MACF1: variants seen among roughly 807,000 people sequenced by gnomAD.
MACF1 encodes microtubule actin crosslinking factor 1, also known as microtubule-actin cross-linking factor 1.
A neutral mutation model predicts 854.8 loss-of-function variants in MACF1; 193 were observed. The ratio of observed to expected loss-of-function variants is 0.23; its 90% CI spans 0.20 to 0.25. The LOEUF (loss-of-function observed/expected upper bound fraction) is 0.25. Ranked by LOEUF, MACF1 falls within the 10% of genes least tolerant of loss-of-function variation. The pLI, the probability that MACF1 is intolerant of heterozygous loss-of-function variation, is 1.00. For synonymous variants in MACF1, 3,185 were observed against 3,226.7 expected, an observed-to-expected ratio of 0.99 and a Z score of 0.44; for missense variants, 7,722 against 8,929.1, an observed-to-expected ratio of 0.86 and a Z score of 5.45.
At position 39,422,570 on chromosome 1, in the gene MACF1, C is replaced by T. The variant is rs543140315; in HGVS notation, c.15978+35C>T. 2.2e-5 allele frequency: 35 copies of T among 1,579,646 alleles called. 1 individual carries two copies. The South Asian group carries it at 3.2e-4, about 15-fold the overall frequency. ...AATGGGGTAGCAAGTGTACTGGAAA[C>T]GGAAGGCATAGAAAAGAGACATCTG... On this transcript the variant is annotated intron_variant, in intron 59 of 100. Transcript: ENST00000564288.
At chr1:39,227,624 A>G (rs1644731173) in intron 1 of MACF1, among the ~76,000 whole-genome samples, 1 of 152,186 alleles carries the variant, frequency 6.6e-6, no homozygotes, top group Admixed American at 6.5e-5. Context: ...TCATTCTCCA[A>G]TTTAAAATCT....
intron 2 of MACF1, among the ~76,000 whole-genome samples, chr1:39,114,697 C>T (rs553999520): frequency 6.6e-6 from 1 of 152,246 alleles, no homozygotes; most frequent in South Asian, 2.1e-4. Context: ...AGATATTGTC[C>T]TTGTCTCTCT....
chr1:39,450,927 C>A, intron 84 of MACF1, 125 bp from the exon 85 acceptor site: 1 of 1,120,510 alleles, frequency 8.9e-7, no homozygotes, highest in Non-Finnish European at 1.3e-6. Flanking sequence ...GTATTTCTAA[C>A]TGTTCTAACA....
chr1:39,268,717 G>C (rs766515873), intron 6 of MACF1: 1 of 1,285,082 alleles, frequency 7.8e-7, no homozygotes, highest in South Asian at 1.2e-5. Context: ...TCACTGGGCT[G>C]TTTTAAGGAG....
chr1:39,156,516 G>T (rs904140090), intron 2 of MACF1, among the ~76,000 whole-genome samples: 2 of 152,150 alleles, frequency 1.3e-5, no homozygotes, highest in African/African-American at 4.8e-5. Flanking sequence ...CTACTTGGGG[G>T]GCTGAGGTGG....
chr1:39,273,669 G>T (rs1264370980), intron 6 of MACF1, among the ~76,000 whole-genome samples: 1 of 151,616 alleles, frequency 6.6e-6, no homozygotes, highest in Non-Finnish European at 1.5e-5. Context: ...CCCTACCTCA[G>T]CTCACTGAAC....
At chr1:39,414,676 A>C (rs1643219560) in intron 58 of MACF1, 2 of 790,266 alleles carry the variant, frequency 2.5e-6, no homozygotes, top group Non-Finnish European at 3.9e-6. Flanking sequence ...TTATAATTTC[A>C]TGCTTCGTTT....
intron 4 of MACF1, among the ~76,000 whole-genome samples, chr1:39,253,919 T>C (rs945547199): frequency 2.0e-5 from 3 of 152,250 alleles, no homozygotes; most frequent in Admixed American, 2.0e-4. Flanking sequence ...TTCTCTACGA[T>C]AGCATTTAAC....
chr1:39,150,647 C>T (rs1020096320), intron 2 of MACF1, among the ~76,000 whole-genome samples: 1 of 152,178 alleles, frequency 6.6e-6, no homozygotes, highest in African/African-American at 2.4e-5. Context: ...TTCCAACCCT[C>T]TCTGCTACAC....
At position 39,379,167 on chromosome 1, in the gene MACF1, C is replaced by T. The variant is rs184674236; in HGVS notation, c.13277-36C>T. The T allele has an allele frequency of 8.5e-6, 13 of 1,533,552 alleles. No individual in the cohort carries two copies. In the African/African-American group the frequency reaches 1.5e-4, roughly 18 times the overall value. The allele number at this position is 1,533,552 out of a possible 1,614,324, so 95.0% of individuals were successfully genotyped here. A position where few individuals can be genotyped will look rare whatever the true frequency, so the allele number is the denominator to read the frequency against. On this transcript the variant is annotated intron_variant, in intron 53 of 100. Transcript: ENST00000564288. The stretch of plus-strand genomic sequence containing the variant: ...GGAGTCAAGGAGCATACTCGAAGAG[C>T]TGTCTCCAATCTGATTTCTGTTTCT...
chr1:39,198,170 C>G (rs569148724), intron 2 of MACF1, among the ~76,000 whole-genome samples: 29 of 152,270 alleles, frequency 1.9e-4, no homozygotes, highest in African/African-American at 7.0e-4. Context: ...TGCATTCCAG[C>G]TTGGACTACA....
At chr1:39,207,538 C>T (rs1644465556) in intron 1 of MACF1, among the ~76,000 whole-genome samples, 1 of 151,948 alleles carries the variant, frequency 6.6e-6, no homozygotes. Flanking sequence ...CCTCGGCCTC[C>T]CAAAGTGCTG....
At chr1:39,458,905 T>G (rs1644495418) in intron 90 of MACF1, 181 bp from the exon 91 acceptor site, 1 of 601,002 alleles carries the variant, frequency 1.7e-6, no homozygotes, top group African/African-American at 1.9e-5. Context: ...AAGTATGTGC[T>G]GGGAGGATCA....
At chr1:39,169,604 CAA>C (rs61000226) in intron 2 of MACF1, among the ~76,000 whole-genome samples, 73 of 93,498 alleles carry the variant, frequency 7.8e-4, no homozygotes, top group South Asian at 1.4e-3. Flanking sequence ...GACCCTGTCT[CAA>C]AAAAAAAAAA....
chr1:39,335,765 TG>T lies in MACF1; in HGVS notation c.9178del (p.Ala3060LeufsTer2). ...AAGGAATTTCTGTAAAACATTTAGA[TG>T]CTTTAACACTCTTCAGCTCTAAACA... ...PQGISVKHLD[A>X]LTLFSSKQAN... On this transcript the variant is annotated frameshift_variant, in exon 37 of 101. Coordinates refer to ENST00000564288, the MANE Select transcript of MACF1 (RefSeq NM_001394062.1). LOFTEE classifies it high-confidence loss of function. The T allele has an allele frequency of 6.2e-7, 1 of 1,614,130 alleles. No individual in the cohort carries two copies. Among genetic ancestry groups the T allele is most frequent in the East Asian group, 2.2e-5 (1 of 44,888 alleles).
intron 58 of MACF1, chr1:39,412,374 T>C: frequency 6.2e-7 from 1 of 1,614,024 alleles, no homozygotes; most frequent in East Asian, 2.2e-5. Flanking sequence ...CAATGGGAAA[T>C]GTGGTCACTT....
chr1:39,139,729 C>A (rs1643295218), intron 2 of MACF1, among the ~76,000 whole-genome samples: 1 of 152,130 alleles, frequency 6.6e-6, no homozygotes, highest in South Asian at 2.1e-4. Flanking sequence ...CAAGTTATAT[C>A]ATCTTTCTGA....
chr1:39,100,353 AGG>A (rs1642038534), intron 2 of MACF1, among the ~76,000 whole-genome samples: 2 of 152,186 alleles, frequency 1.3e-5, no homozygotes, highest in African/African-American at 4.8e-5. Flanking sequence ...TTATAGGGAA[AGG>A]AGGTACACAC....
At chr1:39,171,592 C>G (rs1643950038) in intron 2 of MACF1, among the ~76,000 whole-genome samples, 1 of 152,128 alleles carries the variant, frequency 6.6e-6, no homozygotes, top group African/African-American at 2.4e-5. Context: ...TTCCATGTAA[C>G]ATTATAAGGA....
Sources: allele counts gnomAD v4.1 joint callset (sites outside exome capture counted in the v4.1 genomes callset), GRCh38; gene constraint gnomAD v4.1.1; transcripts MANE v1.5; gene names NCBI Gene and HGNC (gene_info 2026-07-23, HGNC 2026-07-21).